AFG2A: variants seen among roughly 807,000 people sequenced by gnomAD.
AFG2A encodes ATPase family gene 2 protein homolog A.
the AFG2A span, among the ~76,000 whole-genome samples, chr4:123,144,445 T>A: frequency 6.6e-6 from 1 of 152,074 alleles, no homozygotes; most frequent in Non-Finnish European, 1.5e-5. Flanking sequence ...TGATCTGAGC[T>A]CAGATTATAG....
chr4:123,236,913 T>C, the AFG2A span, among the ~76,000 whole-genome samples: 2 of 152,148 alleles, frequency 1.3e-5, no homozygotes, highest in Non-Finnish European at 2.9e-5. Context: ...TGAAAATTGG[T>C]TTAACTTTAA....
At chr4:123,130,342 A>G in the AFG2A span, among the ~76,000 whole-genome samples, 3 of 152,206 alleles carry the variant, frequency 2.0e-5, no homozygotes, top group African/African-American at 7.2e-5. Context: ...TGATAAATGC[A>G]TAGAATTGGG....
chr4:122,963,955 T>C, the AFG2A span, among the ~76,000 whole-genome samples: 1 of 152,180 alleles, frequency 6.6e-6, no homozygotes, highest in African/African-American at 2.4e-5. Flanking sequence ...GTTACTCTTC[T>C]CTTACCTGGG....
chr4:123,196,931 C>T, the AFG2A span, among the ~76,000 whole-genome samples: 1 of 152,094 alleles, frequency 6.6e-6, no homozygotes, highest in African/African-American at 2.4e-5. Context: ...AATAATCTTA[C>T]ACAGAATGAT....
chr4:123,181,898 A>G, the AFG2A span, among the ~76,000 whole-genome samples: 5 of 152,184 alleles, frequency 3.3e-5, no homozygotes, highest in Non-Finnish European at 5.9e-5. Flanking sequence ...ACTACAGAAA[A>G]TAATTTAGTC....
chr4:122,941,225 G>A, the AFG2A span, among the ~76,000 whole-genome samples: 1 of 151,848 alleles, frequency 6.6e-6, no homozygotes, highest in Non-Finnish European at 1.5e-5. Flanking sequence ...ACCTTGGGCA[G>A]TGTGGCCATT....
At chr4:123,231,331 G>C in the AFG2A span, among the ~76,000 whole-genome samples, 1 of 152,082 alleles carries the variant, frequency 6.6e-6, no homozygotes, top group Admixed American at 6.6e-5. Flanking sequence ...GCACTTTTAT[G>C]TTATAAAGAC....
At chr4:123,176,022 C>T in the AFG2A span, among the ~76,000 whole-genome samples, 1 of 152,062 alleles carries the variant, frequency 6.6e-6, no homozygotes, top group Non-Finnish European at 1.5e-5. Flanking sequence ...AGAAAGTGGG[C>T]ATTGTACTGG....
the AFG2A span, among the ~76,000 whole-genome samples, chr4:123,267,896 G>A: frequency 0.15 from 22,318 of 151,902 alleles, 1,822 homozygotes; most frequent in Middle Eastern, 0.24. Flanking sequence ...TGAAGAATCA[G>A]TTGACTCACT....
At chr4:123,290,336 C>T in the AFG2A span, among the ~76,000 whole-genome samples, 1 of 152,150 alleles carries the variant, frequency 6.6e-6, no homozygotes, top group Non-Finnish European at 1.5e-5. Flanking sequence ...TCAGTTCTTA[C>T]ATTTAAGTAT....
At chr4:123,206,171 A>G in the AFG2A span, among the ~76,000 whole-genome samples, 1 of 152,084 alleles carries the variant, frequency 6.6e-6, no homozygotes, top group East Asian at 1.9e-4. Context: ...CCTTTCTACC[A>G]GTTGTGTTTG....
the AFG2A span, among the ~76,000 whole-genome samples, chr4:122,995,254 C>G: frequency 1.3e-5 from 2 of 151,942 alleles, no homozygotes; most frequent in South Asian, 2.1e-4. Context: ...ATAGTATAAC[C>G]TGTGGAAATG....
At chr4:123,068,314 T>C in the AFG2A span, among the ~76,000 whole-genome samples, 3 of 152,302 alleles carry the variant, frequency 2.0e-5, no homozygotes, top group East Asian at 5.8e-4. Flanking sequence ...TCCAGCTAGC[T>C]TTCAATGATC....
At chr4:123,247,582 A>ATGTTTGTTTGTTTGTTTGTTTGTT in the AFG2A span, among the ~76,000 whole-genome samples, 6 of 149,496 alleles carry the variant, frequency 4.0e-5, no homozygotes, top group Non-Finnish European at 7.4e-5. Context: ...GCTAATTTTT[A>ATGTTTGTTTGTTTGTTTGTTTGTT]TGTTTGTTTG....
chr4:123,057,028 A>T, the AFG2A span, among the ~76,000 whole-genome samples: 5 of 152,200 alleles, frequency 3.3e-5, no homozygotes, highest in Non-Finnish European at 7.3e-5. Context: ...GCACTATTGA[A>T]GGGGATACTT....
chr4:123,296,673 A>G, the AFG2A span, among the ~76,000 whole-genome samples: 1 of 152,220 alleles, frequency 6.6e-6, no homozygotes, highest in African/African-American at 2.4e-5. Context: ...TGAGTTGGTC[A>G]TTGTTAAAGC....
At chr4:123,057,328 T>A in the AFG2A span, 1 of 1,541,628 alleles carries the variant, frequency 6.5e-7, no homozygotes, top group Non-Finnish European at 9.0e-7. Context: ...CATAATAATA[T>A]GATGTTACAT....
At chr4:122,923,657 A>T in the AFG2A span, among the ~76,000 whole-genome samples, 1 of 152,222 alleles carries the variant, frequency 6.6e-6, no homozygotes, top group African/African-American at 2.4e-5. Flanking sequence ...ATCCTAAAAA[A>T]CTAAATAACC....
the AFG2A span, among the ~76,000 whole-genome samples, chr4:123,292,344 T>G: frequency 1.8e-4 from 27 of 152,196 alleles, no homozygotes. Context: ...ATAGTCAGCA[T>G]TTTGAATTTT....
Sources: allele counts gnomAD v4.1 joint callset (sites outside exome capture counted in the v4.1 genomes callset), GRCh38; gene constraint gnomAD v4.1.1; transcripts MANE v1.5; gene names NCBI Gene and HGNC (gene_info 2026-07-23, HGNC 2026-07-21).